RALGDS: variants seen among roughly 807,000 people sequenced by gnomAD.
The protein encoded by RALGDS is ral guanine nucleotide exchange factor.
A neutral mutation model predicts 99.8 loss-of-function variants in RALGDS; 44 were observed. That is an observed-to-expected ratio of 0.44 (90% confidence interval 0.35 to 0.57). The LOEUF is 0.57. Among genes scored for constraint, RALGDS ranks in the 20% least tolerant of loss-of-function variants. RALGDS has a pLI of 0.01. For synonymous variants in RALGDS, 529 were observed against 505.0 expected, an observed-to-expected ratio of 1.05 and a Z score of -0.64; for missense variants, 1,022 against 1,203.1, an observed-to-expected ratio of 0.85 and a Z score of 2.23.
At chr9:133,120,428 A>ACTCCC (rs1831863362) in intron 1 of RALGDS, among the ~76,000 whole-genome samples, 1 of 59,994 alleles carries the variant, frequency 1.7e-5, no homozygotes, top group Non-Finnish European at 3.4e-5. Context: ...CCATCCCCCG[A>ACTCCC]CCCCCCCCCC....
exon 1 of RALGDS, chr9:133,131,071 C>T: frequency 6.6e-7 from 1 of 1,504,870 alleles, no homozygotes; most frequent in Non-Finnish European, 8.8e-7. Flanking sequence ...GTGGAGTGCC[C>T]CCACAGGCAC....
chr9:133,139,028 G>A (rs1438124297), intron 1 of RALGDS, among the ~76,000 whole-genome samples: 1 of 152,182 alleles, frequency 6.6e-6, no homozygotes, highest in Non-Finnish European at 1.5e-5. Context: ...CCAGCCATGT[G>A]TCCCCACACG....
rs201326453 is a variant in RALGDS at position 133,111,068 on chromosome 9, T to TA, written c.295-580dup. Among the ~76,000 whole-genome samples the TA allele has an allele frequency of 5.0e-3, 758 of 152,212 alleles. 13 individuals are homozygous for TA. Among genetic ancestry groups the TA allele is most frequent in the African/African-American group, 0.017 (716 of 41,488 alleles). On this transcript the variant is annotated intron_variant, in intron 2 of 17. Coordinates refer to ENST00000372050, the MANE Select transcript of RALGDS (RefSeq NM_006266.4). ...GGGTGACAGAGTGAGACCCTGTCTC[T>TA]AAAAGAGTGAAAAAATTTTTAAAGT...
chr9:133,103,295 G>A lies in RALGDS; in HGVS notation c.1759-33C>T, dbSNP rs1330422450. ...GTGGACACCCAATGGCCGTCAGAAAGTGACCCCTTGACCATTACAGTCTCC... is the reference window on the plus strand; with the variant it reads ...GTGGACACCCAATGGCCGTCAGAAAATGACCCCTTGACCATTACAGTCTCC... On this transcript the variant is annotated intron_variant, in intron 11 of 17. Transcript: ENST00000372050. The A allele has an allele frequency of 3.1e-6, 5 of 1,613,588 alleles. No individual in the cohort carries two copies. In the African/African-American group the frequency reaches 6.7e-5, roughly 22 times the overall value.
At chr9:133,102,286 G>A in intron 14 of RALGDS, 147 bp from the exon 15 acceptor site, 1 of 1,102,654 alleles carries the variant, frequency 9.1e-7, no homozygotes, top group Non-Finnish European at 1.3e-6. Flanking sequence ...AGAGCATTTA[G>A]TATCACCCCA....
intron 1 of RALGDS, among the ~76,000 whole-genome samples, chr9:133,147,338 C>T (rs1412848025): frequency 6.6e-6 from 1 of 152,254 alleles, no homozygotes; most frequent in Non-Finnish European, 1.5e-5. Flanking sequence ...GCATTATTTT[C>T]GCTGCAGCAC....
In RALGDS at chr9:133,107,246, G is replaced by A. The variant is rs1831109496; in HGVS notation, c.1252C>T (p.Arg418Trp). ...YHCLGSIWSQ[R>W]DKKGKEHLAP... ...AGGTGCTCCTTGCCCTTCTTGTCCC[G>A]CTGGGACCAGATGGAGCCCAGGCAG... Residue 418 changes from arginine (R) to tryptophan (W), a missense_variant, in exon 7 of 18, where the codon CGG becomes TGG. Physicochemically the swap from Arg to Trp is moderately radical, Grantham distance 101. Transcript: ENST00000372050. 1.2e-6 allele frequency: 2 copies of A among 1,613,734 alleles called. No homozygotes were observed. Among genetic ancestry groups the A allele is most frequent in the Non-Finnish European group, 1.7e-6 (2 of 1,180,006 alleles).
Position 133,121,181 on chromosome 9 carries a change from CCGGCCCGGCGCGCGGCGGGGGCGG to C in RALGDS, c.-51_-28del. The stretch of plus-strand genomic sequence containing the variant: ...GAAGGCTCGCAGCGCGGGCGCGGGG[CCGGCCCGGCGCGCGGCGGGGGCGG>C]CGGCGCGGCCCGCGCGGCTGGGCTT... On this transcript the variant is annotated 5_prime_UTR_variant, in exon 1 of 18. Transcript: ENST00000372050. 1 of 1,042,266 alleles carries C rather than the reference CCGGCCCGGCGCGCGGCGGGGGCGG, an allele frequency of 9.6e-7. No homozygotes were observed. Among genetic ancestry groups the C allele is most frequent in the Non-Finnish European group, 1.2e-6 (1 of 868,810 alleles). The allele number at this position is 1,042,266 out of a possible 1,614,324, so 64.6% of individuals were successfully genotyped here.
upstream of RALGDS, among the ~76,000 whole-genome samples, chr9:133,125,512 T>A (rs1156862380): frequency 6.6e-6 from 1 of 152,146 alleles, no homozygotes; most frequent in African/African-American, 2.4e-5. Flanking sequence ...GCTGGGTGGA[T>A]CACTTGAGGT....
At chr9:133,132,373 G>A (rs373312769), upstream of RALGDS, among the ~76,000 whole-genome samples, 44 of 152,228 alleles carry the variant, frequency 2.9e-4, 1 homozygote, top group East Asian at 6.6e-3. Context: ...TCACCCCGGT[G>A]TTGCTGACTG....
chr9:133,146,173 ATGTT>A (rs926132248), intron 1 of RALGDS, among the ~76,000 whole-genome samples: 39 of 144,336 alleles, frequency 2.7e-4, no homozygotes, highest in East Asian at 2.2e-3. Context: ...GGCTCCCATG[ATGTT>A]TGTTTGTTTG....
At chr9:133,105,342 ACAG>A (rs1830964835) in intron 9 of RALGDS, among the ~76,000 whole-genome samples, 1 of 152,128 alleles carries the variant, frequency 6.6e-6, no homozygotes, top group South Asian at 2.1e-4. Context: ...GGTATCCGCC[ACAG>A]CTAATGGGGT....
chr9:133,109,814 A>C, intron 3 of RALGDS, 93 bp from the exon 4 acceptor site: 1 of 926,344 alleles, frequency 1.1e-6, no homozygotes, highest in South Asian at 1.4e-5. Flanking sequence ...TTTTCATCAA[A>C]TTATATTAAA....
chr9:133,127,870 C>T (rs892350407), intron 1 of RALGDS, among the ~76,000 whole-genome samples: 1 of 152,210 alleles, frequency 6.6e-6, no homozygotes, highest in South Asian at 2.1e-4. Context: ...CCTCACGGGG[C>T]GCTGCCGTCC....
At chr9:133,107,899 C>G in intron 6 of RALGDS, 89 bp downstream of exon 6, 1 of 1,505,204 alleles carries the variant, frequency 6.6e-7, no homozygotes, top group Non-Finnish European at 9.1e-7. Context: ...ACCAGAACAT[C>G]AGCTCTGGAT....
At position 133,107,299 on chromosome 9, in the gene RALGDS, TCCTGGGGAGGAGGCTAAATGTCA is replaced by T; in HGVS notation, c.1198-22_1198del. 6.2e-7 allele frequency: 1 copy of T among 1,612,692 alleles called. No individual in the cohort carries two copies. The highest frequency in any genetic ancestry group is 8.5e-7 in the Non-Finnish European group (1 of 1,179,406). On this transcript the variant is annotated splice_acceptor_variant and splice_polypyrimidine_tract_variant and coding_sequence_variant and intron_variant, in exon 7 of 18. Coordinates refer to ENST00000372050, the MANE Select transcript of RALGDS (RefSeq NM_006266.4). LOFTEE classifies it high-confidence loss of function. The stretch of plus-strand genomic sequence containing the variant: ...GTAGGGCACCACCTTCTTGAACAGT[TCCTGGGGAGGAGGCTAAATGTCA>T]CCTGGTCCTGCCCCAGCAGTCTGGG...
At chr9:133,143,309 A>G (rs552645070) in intron 1 of RALGDS, among the ~76,000 whole-genome samples, 1 of 152,178 alleles carries the variant, frequency 6.6e-6, no homozygotes, top group African/African-American at 2.4e-5. Context: ...CCAGGCACCC[A>G]GCGCCAGCCA....
At chr9:133,122,027 T>C (rs906118353), upstream of RALGDS, among the ~76,000 whole-genome samples, 1 of 151,980 alleles carries the variant, frequency 6.6e-6, no homozygotes, top group African/African-American at 2.4e-5. Flanking sequence ...GGCACCAAGG[T>C]TGGGGCTGAG....
At position 133,109,612 on chromosome 9, in the gene RALGDS, C is replaced by T; in HGVS notation, c.584+14G>A. On this transcript the variant is annotated intron_variant, in intron 4 of 17. Coordinates refer to ENST00000372050, the MANE Select transcript of RALGDS (RefSeq NM_006266.4). ...GGGACAGGGTCCCTTCCTCTTGGCT[C>T]AAAGCTCACTCACTTTTTAAGTTGG... The T allele has an allele frequency of 6.2e-7, 1 of 1,605,070 alleles. No individual in the cohort carries two copies. Among genetic ancestry groups the T allele is most frequent in the Non-Finnish European group, 8.5e-7 (1 of 1,171,980 alleles).
Sources: gnomAD v4.1 joint callset for allele counts (sites outside exome capture counted in the v4.1 genomes callset) on GRCh38, gnomAD v4.1.1 for gene constraint, MANE v1.5 for transcripts, NCBI Gene and HGNC (gene_info 2026-07-23, HGNC 2026-07-21) for gene names.